The following RIMKLB variants were observed in gnomAD, a reference collection of about 807,000 sequenced individuals.
The protein encoded by RIMKLB is beta-citrylglutamate synthase B.
A neutral mutation model predicts 32.0 loss-of-function variants in RIMKLB; 7 were observed. That is an observed-to-expected ratio of 0.22 (90% CI 0.12 to 0.41). The LOEUF (loss-of-function observed/expected upper bound fraction) is 0.41. Among genes scored for constraint, RIMKLB ranks in the 10% least tolerant of loss-of-function variants. RIMKLB has a pLI of 1.00. For synonymous variants in RIMKLB, 172 were observed against 185.1 expected (o/e 0.93, Z 0.57); for missense variants, 289 against 498.7 (o/e 0.58, Z 4.00).
intron 2 of RIMKLB, among the ~76,000 whole-genome samples, chr12:8,741,567 C>T (rs1565601819): frequency 1.3e-5 from 2 of 151,552 alleles, no homozygotes; most frequent in African/African-American, 4.9e-5. Context: ...ATCACGGGGT[C>T]AGGAGATCGA....
chr12:8,695,396 T>A (rs2136602801), upstream of RIMKLB, among the ~76,000 whole-genome samples: 1 of 152,322 alleles, frequency 6.6e-6, no homozygotes, highest in African/African-American at 2.4e-5. Context: ...TGACTGAATG[T>A]ATGTACAGCC....
At chr12:8,680,219 G>A (rs773842482), upstream of RIMKLB, among the ~76,000 whole-genome samples, 22 of 152,282 alleles carry the variant, frequency 1.4e-4, no homozygotes, top group East Asian at 4.1e-3. Flanking sequence ...GCAGTGGCGC[G>A]ATCTCGGCTC....
chr12:8,695,118 A>G (rs1942844890), upstream of RIMKLB, among the ~76,000 whole-genome samples: 1 of 152,158 alleles, frequency 6.6e-6, no homozygotes, highest in Non-Finnish European at 1.5e-5. Context: ...TTCAAATCAG[A>G]TTGATCTGAC....
chr12:8,754,098 AAAT>A lies in RIMKLB; in HGVS notation c.697+9_697+11del. ...TGCAAAGCAACTGCTCATTAGGTAAAAATAATGCAATTATCTTTCTAGTATATA... is the reference window on the plus strand; with the variant it reads ...TGCAAAGCAACTGCTCATTAGGTAAAAATGCAATTATCTTTCTAGTATATA... On this transcript the variant is annotated splice_donor_region_variant and intron_variant, in intron 5 of 5. Transcript: ENST00000535829. 1 of 1,596,870 alleles carries A rather than the reference AAAT, an allele frequency of 6.3e-7. No individual in the cohort carries two copies. Among genetic ancestry groups the A allele is most frequent in the Non-Finnish European group, 8.6e-7 (1 of 1,164,302 alleles).
intron 2 of RIMKLB, among the ~76,000 whole-genome samples, chr12:8,723,225 A>G (rs969704205): frequency 2.6e-5 from 4 of 152,202 alleles, no homozygotes; most frequent in African/African-American, 7.2e-5. Flanking sequence ...ACTTAGAGCC[A>G]CTGTAGGGTT....
chr12:8,703,172 G>C (rs1035367137), intron 1 of RIMKLB, among the ~76,000 whole-genome samples: 1 of 152,074 alleles, frequency 6.6e-6, no homozygotes, highest in Non-Finnish European at 1.5e-5. Flanking sequence ...TGTAATTTCA[G>C]CTACTCGGGA....
chr12:8,689,541 A>C (rs1252881602), intron 1 of RIMKLB, among the ~76,000 whole-genome samples: 1 of 152,184 alleles, frequency 6.6e-6, no homozygotes, highest in Non-Finnish European at 1.5e-5. Context: ...TCATTCAGCC[A>C]TATTTTCCTC....
chr12:8,677,370 TACACCACACCCTTTATCACAC>T (rs1204579800), upstream of RIMKLB, among the ~76,000 whole-genome samples: 1 of 152,126 alleles, frequency 6.6e-6, no homozygotes, highest in Non-Finnish European at 1.5e-5. Flanking sequence ...TCCCAGCACA[TACACCACACCCTTTATCACAC>T]ACACCACACC....
intron 2 of RIMKLB, among the ~76,000 whole-genome samples, chr12:8,719,578 A>G (rs1485758930): frequency 6.6e-6 from 1 of 152,232 alleles, no homozygotes; most frequent in Middle Eastern, 3.4e-3. Context: ...CATGTTGGCC[A>G]GGCTGGACTC....
At chr12:8,703,140 G>A (rs1242332587) in intron 1 of RIMKLB, among the ~76,000 whole-genome samples, 2 of 152,118 alleles carry the variant, frequency 1.3e-5, no homozygotes, top group African/African-American at 4.8e-5. Context: ...ACAAAAATTA[G>A]CTGGGTGTAG....
intron 2 of RIMKLB, among the ~76,000 whole-genome samples, chr12:8,748,559 C>CTT (rs1555168490): frequency 2.4e-5 from 3 of 125,664 alleles, no homozygotes; most frequent in Non-Finnish European, 1.6e-5. Flanking sequence ...TGTGTGTGTG[C>CTT]ATATATATAT....
At chr12:8,741,507 G>A (rs996201562) in intron 2 of RIMKLB, among the ~76,000 whole-genome samples, 1 of 151,804 alleles carries the variant, frequency 6.6e-6, no homozygotes, top group African/African-American at 2.4e-5. Flanking sequence ...GGGGCTGGGT[G>A]CGGTGGCTCA....
upstream of RIMKLB, among the ~76,000 whole-genome samples, chr12:8,681,335 AT>A (rs1202212531): frequency 2.6e-5 from 4 of 152,088 alleles, no homozygotes; most frequent in African/African-American, 7.3e-5. Context: ...CAAAAAAAAA[AT>A]ATGTTGAATA....
chr12:8,745,785 C>G (rs1049246340), intron 2 of RIMKLB, among the ~76,000 whole-genome samples: 3 of 150,108 alleles, frequency 2.0e-5, no homozygotes, highest in Non-Finnish European at 4.4e-5. Flanking sequence ...ACCTCTGCCT[C>G]GTAGGTACAA....
At chr12:8,779,928 T>C (rs1319329881), downstream of RIMKLB, 1 of 152,238 alleles carries the variant, frequency 6.6e-6, no homozygotes, top group East Asian at 1.9e-4. Flanking sequence ...GAAATGTGCA[T>C]CTATGGTCAG....
In RIMKLB at chr12:8,773,383, A is replaced by C; in HGVS notation, c.760A>C (p.Asn254His). Reference protein sequence around the residue: ...QGKQLAIQVSNILGMDVCGID... With the variant: ...QGKQLAIQVSHILGMDVCGID... ...GAAGCAGCTAGCTATCCAGGTGTCT[A>C]ATATCCTGGGGATGGATGTGTGTGG... Residue 254 changes from asparagine (N) to histidine (H), a missense_variant, in exon 6 of 6, where the codon AAT becomes CAT. This residue lies in a region of RIMKLB where 156 missense variants were observed against 329.5 expected (regional missense o/e 0.47). Transcript: ENST00000535829. 6.2e-7 allele frequency: 1 copy of C among 1,614,184 alleles called. No homozygotes were observed. The highest frequency in any genetic ancestry group is 8.5e-7 in the Non-Finnish European group (1 of 1,179,976).
At chr12:8,761,112 G>A (rs1012344982) in intron 5 of RIMKLB, among the ~76,000 whole-genome samples, 4 of 151,872 alleles carry the variant, frequency 2.6e-5, no homozygotes, top group African/African-American at 4.8e-5. Flanking sequence ...CACTTTGGGA[G>A]GCCAGGGTGG....
In RIMKLB at chr12:8,712,910, G is replaced by GT. The variant is rs571154179; in HGVS notation, c.-56-894dup. On this transcript the variant is annotated intron_variant, in intron 1 of 5. Coordinates refer to ENST00000535829, the MANE Select transcript of RIMKLB (RefSeq NM_001297776.2). The stretch of plus-strand genomic sequence containing the variant: ...ATACTTGAATGATACTTGACATTTT[G>GT]TTTTTTTGGTAAACATTAAAAAAAA... Among the ~76,000 whole-genome samples the GT allele has an allele frequency of 1.1e-3, 170 of 152,058 alleles. 1 individual carries two copies. Among genetic ancestry groups the GT allele is most frequent in the Admixed American group, 1.8e-3 (27 of 15,274 alleles).
Position 8,776,681 on chromosome 12 carries a change from T to C in RIMKLB, c.*2897T>C. The C allele has an allele frequency of 2.0e-6, 2 of 983,574 alleles. No individual in the cohort carries two copies. Among genetic ancestry groups the C allele is most frequent in the Non-Finnish European group, 2.4e-6 (2 of 828,262 alleles). 60.9% of individuals were successfully genotyped at this position (983,574 alleles called of 1,614,324 possible). ...TTTAAAATTTTTAATAGTTTTTTTC[T>C]TTTTTGGTGCCTATAATTGATTGGT... is the stretch of plus-strand genomic sequence containing the variant. On this transcript the variant is annotated 3_prime_UTR_variant, in exon 6 of 6. Coordinates refer to ENST00000535829, the MANE Select transcript of RIMKLB (RefSeq NM_001297776.2).
Sources: gnomAD v4.1 joint callset for allele counts (sites outside exome capture counted in the v4.1 genomes callset) on GRCh38, gnomAD v4.1.1 for gene constraint, gnomAD v4.1.1 regional missense constraint, MANE v1.5 for transcripts, NCBI Gene and HGNC (gene_info 2026-07-23, HGNC 2026-07-21) for gene names.